MED29: variants seen among roughly 807,000 people sequenced by gnomAD.
MED29 encodes mediator of RNA polymerase II transcription subunit 29.
In MED29, 14 loss-of-function variants were observed where a neutral mutation model predicts 22.0. The ratio of observed to expected loss-of-function variants is 0.64; its 90% CI spans 0.42 to 0.99. The LOEUF (loss-of-function observed/expected upper bound fraction) is 0.99. Ranked by LOEUF, MED29 falls within the 50% of genes least tolerant of loss-of-function variation. MED29 has a pLI of 0.00. For missense variants in MED29, 241 were observed against 253.7 expected, an observed-to-expected ratio of 0.95 and a Z score of 0.34; for synonymous variants, 123 against 107.8, an observed-to-expected ratio of 1.14 and a Z score of -0.87.
chr19:39,392,555 T>C, intron 2 of MED29, 33 bp downstream of exon 2: 1 of 1,586,960 alleles, frequency 6.3e-7, no homozygotes, highest in Non-Finnish European at 8.6e-7. Context: ...GGATATTCTA[T>C]TGCCTTCCCA....
Position 39,391,503 on chromosome 19 carries a change from T to A in MED29, c.81T>A (p.Gly27=), listed in dbSNP as rs1014049386. The change falls in exon 1 of 4, where the codon GGT becomes GGA. Residue 27 remains glycine, a synonymous_variant. Coordinates refer to ENST00000315588, the MANE Select transcript of MED29 (RefSeq NM_017592.4). The part of the protein sequence containing the change: ...VSGPSSAGGP[G]PQQQPQPPAQ... ...GTCCTAGTTCGGCTGGCGGCCCGGG[T>A]CCCCAGCAGCAGCCGCAACCGCCAG... is the stretch of plus-strand genomic sequence containing the variant. The A allele has an allele frequency of 4.3e-6, 7 of 1,610,846 alleles. No individual in the cohort carries two copies. The highest frequency in any genetic ancestry group is 5.9e-6 in the Non-Finnish European group (7 of 1,179,474).
chr19:39,394,438 G>A lies in MED29; in HGVS notation c.360+801G>A, dbSNP rs377639392. On this transcript the variant is annotated intron_variant, in intron 3 of 3. Transcript: ENST00000315588. ...CGCCTGGCTAATTTTTGTATTTTTA[G>A]TAGAGATGGGGTTTCACCATTTTGG... 4.0e-5 allele frequency among the ~76,000 whole-genome samples: 6 copies of A among 151,654 alleles called. No individual in the cohort carries two copies. In the South Asian group the frequency reaches 1.3e-3, roughly 32 times the overall value.
intron 2 of MED29, among the ~76,000 whole-genome samples, chr19:39,393,081 C>CTTTTTTTTTTTTTTTTTTTTTTTTTTTTT (rs142198224): frequency 2.9e-5 from 1 of 34,712 alleles, no homozygotes; most frequent in Non-Finnish European, 5.5e-5. Flanking sequence ...TCTTTCTTTT[C>CTTTTTTTTTTTTTTTTTTTTTTTTTTTTT]TTTTTTTTTT....
intron 2 of MED29, among the ~76,000 whole-genome samples, 150 bp from the exon 3 acceptor site, chr19:39,393,400 TTTC>T (rs1452361941): frequency 1.3e-5 from 2 of 152,202 alleles, no homozygotes; most frequent in African/African-American, 4.8e-5. Context: ...CCAGCCTCCT[TTTC>T]TTTTTTTTTG....
chr19:39,395,668 C>T (rs1285247847), intron 3 of MED29, among the ~76,000 whole-genome samples: 1 of 152,304 alleles, frequency 6.6e-6, no homozygotes, highest in East Asian at 1.9e-4. Flanking sequence ...CCTGTAATCC[C>T]AGCACTTTGG....
Position 39,397,741 on chromosome 19 carries a change from G to A in MED29, c.*42G>A, listed in dbSNP as rs2078437123. On this transcript the variant is annotated 3_prime_UTR_variant, in exon 4 of 4. Transcript: ENST00000315588. ...TGGGGCAGGCAGTGGTTGGTGGGTG[G>A]TGTGCAAAGGGAATGAAGAGCGTCC... 1 of 1,590,996 alleles carries A rather than the reference G, an allele frequency of 6.3e-7. No individual in the cohort carries two copies. Among genetic ancestry groups the A allele is most frequent in the Non-Finnish European group, 8.5e-7 (1 of 1,172,826 alleles).
At position 39,392,881 on chromosome 19, in the gene MED29, C is replaced by T. The variant is rs1568377926; in HGVS notation, c.275+359C>T. On this transcript the variant is annotated intron_variant, in intron 2 of 3. Transcript: ENST00000315588. ...AACTCCTGGCCTCTAGCCATCCCCT[C>T]AGCCTCACGAATCACTTCTCCTATT... 7 of 221,874 alleles carry T rather than the reference C, an allele frequency of 3.2e-5. 1 individual carries two copies. In the South Asian group the frequency reaches 7.8e-4, roughly 25 times the overall value. The allele number at this position is 221,874 out of a possible 1,614,324, so 13.7% of individuals were successfully genotyped here. A position where few individuals can be genotyped will look rare whatever the true frequency, so the allele number is the denominator to read the frequency against.
At chr19:39,397,191 T>C (rs1568379722) in intron 3 of MED29, among the ~76,000 whole-genome samples, 2 of 152,144 alleles carry the variant, frequency 1.3e-5, no homozygotes, top group Non-Finnish European at 2.9e-5. Flanking sequence ...CGTGCCTGTG[T>C]CTCATACACC....
rs1203310152 is a variant in MED29 at position 39,393,534 on chromosome 19, C to CT, written c.276-13dup. The CT allele has an allele frequency of 6.2e-7, 1 of 1,610,052 alleles. No homozygotes were observed. Among genetic ancestry groups the CT allele is most frequent in the Non-Finnish European group, 8.5e-7 (1 of 1,176,300 alleles). On this transcript the variant is annotated intron_variant, in intron 2 of 3. Transcript: ENST00000315588. ...ATTAGAAATCAATTCTTCAGACATC[C>CT]TTTTTTCCTTGTCTGTAGAAAGAGC...
In MED29 at chr19:39,397,793, C is replaced by A; in HGVS notation, c.*94C>A. 3 of 1,503,174 alleles carry A rather than the reference C, an allele frequency of 2.0e-6. No homozygotes were observed. The highest frequency in any genetic ancestry group is 2.7e-6 in the Non-Finnish European group (3 of 1,124,804). The allele number at this position is 1,503,174 out of a possible 1,614,324, so 93.1% of individuals were successfully genotyped here. A position where few individuals can be genotyped will look rare whatever the true frequency, so the allele number is the denominator to read the frequency against. On this transcript the variant is annotated 3_prime_UTR_variant, in exon 4 of 4. Coordinates refer to ENST00000315588, the MANE Select transcript of MED29 (RefSeq NM_017592.4). Reference sequence around the variant, plus strand: ...GGGCCTAAACACAGCAGCCTCCTCTCTTCCTGCCTGAGCACCGCAGCGGGA... The same window carrying A: ...GGGCCTAAACACAGCAGCCTCCTCTATTCCTGCCTGAGCACCGCAGCGGGA...
chr19:39,395,786 A>C (rs935686062), intron 3 of MED29, among the ~76,000 whole-genome samples: 2 of 152,008 alleles, frequency 1.3e-5, no homozygotes, highest in Non-Finnish European at 2.9e-5. Flanking sequence ...GCGTGGTGGC[A>C]GGCGCCTGCA....
chr19:39,391,434 C>G lies in MED29; in HGVS notation c.12C>G (p.Ser4=). 3 of 1,613,012 alleles carry G rather than the reference C, an allele frequency of 1.9e-6. No homozygotes were observed. The highest frequency in any genetic ancestry group is 1.1e-5 in the South Asian group (1 of 91,056). The change falls in exon 1 of 4, where the codon TCC becomes TCG. Residue 4 remains serine, a synonymous_variant. Coordinates refer to ENST00000315588, the MANE Select transcript of MED29 (RefSeq NM_017592.4). MAA[S]QQQASAASSA... ...TCTACGCGAGGAAGATGGCTGCATC[C>G]CAGCAGCAAGCTTCAGCGGCTTCCT...
At chr19:39,394,582 T>TG (rs71169590) in intron 3 of MED29, among the ~76,000 whole-genome samples, 1 of 110,552 alleles carries the variant, frequency 9.0e-6, no homozygotes, top group Non-Finnish European at 1.8e-5. Flanking sequence ...TTTTTTTTTT[T>TG]GAGACAGAGT....
chr19:39,397,346 T>C, intron 3 of MED29, 111 bp from the exon 4 acceptor site: 2 of 1,236,368 alleles, frequency 1.6e-6, no homozygotes, highest in East Asian at 2.3e-5. Context: ...CCTCTGACTC[T>C]AAGACCTGGG....
At position 39,396,166 on chromosome 19, in the gene MED29, C is replaced by A. The variant is rs186891235; in HGVS notation, c.361-1291C>A. Among the ~76,000 whole-genome samples, 300 of 152,230 alleles carry A rather than the reference C, an allele frequency of 2.0e-3. 2 individuals carry two copies. Among genetic ancestry groups the A allele is most frequent in the South Asian group, 0.013 (65 of 4,820 alleles). The stretch of plus-strand genomic sequence containing the variant: ...TAAGAAGTACCTAGAGCTGGTCAGG[C>A]GCGGTGGCTTGTGCCTGTAACTCCA... On this transcript the variant is annotated intron_variant, in intron 3 of 3. Coordinates refer to ENST00000315588, the MANE Select transcript of MED29 (RefSeq NM_017592.4).
At chr19:39,392,717 C>T in intron 2 of MED29, 195 bp downstream of exon 2, 2 of 551,392 alleles carry the variant, frequency 3.6e-6, no homozygotes, top group Non-Finnish European at 6.3e-6. Context: ...GCCTTGAACA[C>T]CTGAGTTAGG....
rs765645820 is a variant in MED29, at chr19:39,391,392, T to G, written c.-31T>G. On this transcript the variant is annotated 5_prime_UTR_variant, in exon 1 of 4. Coordinates refer to ENST00000315588, the MANE Select transcript of MED29 (RefSeq NM_017592.4). ...AAAGCAACGGGGAGAGACGCAGTCG[T>G]AACGCACTTCCGGCGGTCTACGCGA... 1 of 1,606,954 alleles carries G rather than the reference T, an allele frequency of 6.2e-7. No homozygotes were observed. The highest frequency in any genetic ancestry group is 8.5e-7 in the Non-Finnish European group (1 of 1,174,320).
chr19:39,396,983 G>A (rs1318099953), intron 3 of MED29, among the ~76,000 whole-genome samples: 12 of 151,658 alleles, frequency 7.9e-5, no homozygotes, highest in African/African-American at 2.9e-4. Flanking sequence ...AGCTGAGATC[G>A]TGCCATTGCA....
rs2078412227 is a variant in MED29 at position 39,393,620 on chromosome 19, C to T, written c.343C>T (p.Gln115Ter). ...CLEEFYALCD[Q>*]LELCLRLAHE... is the part of the protein sequence containing the mutation. ...GGAAGAGTTCTATGCACTCTGTGAC[C>T]AGCTGGAGCTGTGCCTGGTAAGAAG... The change falls in exon 3 of 4, where the codon CAG becomes TAG. Residue 115 changes from glutamine (Q) to a stop codon, truncating the protein, a stop_gained. Transcript: ENST00000315588. LOFTEE classifies it high-confidence loss of function. 6.2e-7 allele frequency: 1 copy of T among 1,613,946 alleles called. No individual in the cohort carries two copies.
Sources: gnomAD v4.1 joint callset for allele counts (sites outside exome capture counted in the v4.1 genomes callset) on GRCh38, gnomAD v4.1.1 for gene constraint, MANE v1.5 for transcripts, NCBI Gene and HGNC (gene_info 2026-07-23, HGNC 2026-07-21) for gene names.